DCC: variants seen among roughly 807,000 people sequenced by gnomAD.
DCC encodes netrin receptor DCC.
In DCC, 58 loss-of-function variants were observed where a neutral mutation model predicts 172.5. The observed-to-expected ratio is 0.34, with a 90% CI of 0.27 to 0.42. The LOEUF (loss-of-function observed/expected upper bound fraction) is 0.42, where lower values mean the gene tolerates loss of function less well. Ranked by LOEUF, DCC falls within the 10% of genes least tolerant of loss-of-function variation. The pLI is 1.00. For missense variants in DCC, 1,740 were observed against 1,791.0 expected (o/e 0.97, Z 0.51); for synonymous variants, 709 against 644.5 (o/e 1.10, Z -1.52).
intron 12 of DCC, among the ~76,000 whole-genome samples, chr18:53,260,533 C>T (rs954955805): frequency 2.0e-5 from 3 of 152,016 alleles, no homozygotes; most frequent in Non-Finnish European, 2.9e-5. Context: ...TGGTGAACAG[C>T]AAATGTTGCT....
intron 27 of DCC, among the ~76,000 whole-genome samples, chr18:53,518,776 C>A (rs1465404244): frequency 6.6e-6 from 1 of 152,092 alleles, no homozygotes; most frequent in Admixed American, 6.6e-5. Context: ...CAACATGCAC[C>A]CTGGATAGGG....
intron 1 of DCC, among the ~76,000 whole-genome samples, chr18:52,518,220 A>C (rs902950456): frequency 6.6e-6 from 1 of 152,234 alleles, no homozygotes; most frequent in Non-Finnish European, 1.5e-5. Flanking sequence ...CTATGATAGC[A>C]TGAGGCTGAG....
intron 1 of DCC, among the ~76,000 whole-genome samples, chr18:52,607,970 T>C (rs2034171553): frequency 6.6e-6 from 1 of 152,118 alleles, no homozygotes; most frequent in Non-Finnish European, 1.5e-5. Flanking sequence ...TGGGCATAAA[T>C]GTAGGAATGA....
At chr18:52,847,612 C>G (rs780684217) in intron 2 of DCC, among the ~76,000 whole-genome samples, 1 of 152,164 alleles carries the variant, frequency 6.6e-6, no homozygotes, top group African/African-American at 2.4e-5. Flanking sequence ...TCTGTAACCA[C>G]GTTCCCTCCC....
At chr18:53,049,719 A>G (rs1401735084) in intron 5 of DCC, among the ~76,000 whole-genome samples, 1 of 151,818 alleles carries the variant, frequency 6.6e-6, no homozygotes, top group African/African-American at 2.4e-5. Context: ...TTTTTTTCTA[A>G]GTCTGTGAAA....
intron 5 of DCC, among the ~76,000 whole-genome samples, chr18:53,056,867 A>G (rs894086222): frequency 6.6e-6 from 1 of 151,892 alleles, no homozygotes; most frequent in Non-Finnish European, 1.5e-5. Context: ...TGTGCTGCCT[A>G]TTGTTAATTT....
Position 52,797,010 on chromosome 18 carries a change from C to CTT in DCC, c.412+44645_412+44646dup, listed in dbSNP as rs74178683. ...TCACATAGGCTTTCTTCATTCATTC[C>CTT]TTTTTTTTTTCTTCTGCCTGCATTA... On this transcript the variant is annotated intron_variant, in intron 2 of 28. Transcript: ENST00000442544. Among the ~76,000 whole-genome samples, 248 of 148,852 alleles carry CTT rather than the reference C, an allele frequency of 1.7e-3. 2 individuals carry two copies. In the East Asian group the frequency reaches 0.029, roughly 18 times the overall value.
intron 1 of DCC, among the ~76,000 whole-genome samples, chr18:52,445,853 C>G (rs1287042140): frequency 6.6e-6 from 1 of 152,196 alleles, no homozygotes; most frequent in East Asian, 1.9e-4. Flanking sequence ...GATAGTAACT[C>G]TTGAATCTTC....
chr18:53,453,646 T>C (rs981607111), intron 23 of DCC, among the ~76,000 whole-genome samples: 1 of 152,206 alleles, frequency 6.6e-6, no homozygotes, highest in Non-Finnish European at 1.5e-5. Context: ...GGGTAAGATT[T>C]CATTTTTATT....
intron 1 of DCC, among the ~76,000 whole-genome samples, chr18:52,466,674 T>C (rs1425585141): frequency 1.3e-5 from 2 of 152,226 alleles, no homozygotes; most frequent in Non-Finnish European, 2.9e-5. Context: ...AATTCAGTGA[T>C]GACTTTTCTT....
chr18:53,448,037 A>G (rs2055447), intron 22 of DCC, among the ~76,000 whole-genome samples: 86,658 of 145,498 alleles, frequency 0.6, 26,457 homozygotes, highest in African/African-American at 0.68. Context: ...ATTTATTTAA[A>G]TTTTGATGAG....
chr18:53,450,180 T>TAC lies in DCC; in HGVS notation c.3230-305_3230-304dup, dbSNP rs144259404. Among the ~76,000 whole-genome samples, 1,162 of 150,120 alleles carry TAC rather than the reference T, an allele frequency of 7.7e-3. 12 individuals carry two copies. Among genetic ancestry groups the TAC allele is most frequent in the East Asian group, 0.04 (206 of 5,106 alleles). Reference sequence around the variant, plus strand: ...ACACACATACATATGCATACATACATACACACACACACACACCACACATTT... The same window carrying TAC: ...ACACACATACATATGCATACATACATACACACACACACACACACCACACATTT... On this transcript the variant is annotated intron_variant, in intron 22 of 28. Transcript: ENST00000442544.
intron 1 of DCC, among the ~76,000 whole-genome samples, chr18:52,346,631 G>A (rs1190256529): frequency 6.6e-6 from 1 of 152,096 alleles, no homozygotes; most frequent in East Asian, 1.9e-4. Context: ...TTTGCCAATG[G>A]TAATACCAGT....
intron 5 of DCC, among the ~76,000 whole-genome samples, chr18:52,943,594 G>A (rs1389025161): frequency 6.6e-6 from 1 of 152,094 alleles, no homozygotes; most frequent in Non-Finnish European, 1.5e-5. Context: ...AGGACCATAT[G>A]TATTTACAGT....
intron 14 of DCC, among the ~76,000 whole-genome samples, chr18:53,328,823 C>T (rs982948775): frequency 3.9e-5 from 6 of 152,304 alleles, no homozygotes; most frequent in Middle Eastern, 3.4e-3. Context: ...CCTGCCTCAG[C>T]CTCCCAGAGT....
At chr18:52,895,215 T>C (rs1360933506) in intron 2 of DCC, among the ~76,000 whole-genome samples, 10 of 152,228 alleles carry the variant, frequency 6.6e-5, no homozygotes, top group African/African-American at 2.4e-4. Context: ...CCAACAAATA[T>C]CAGCCGTATT....
chr18:53,524,195 G>T (rs1314353071), intron 27 of DCC, among the ~76,000 whole-genome samples: 1 of 151,700 alleles, frequency 6.6e-6, no homozygotes, highest in Non-Finnish European at 1.5e-5. Flanking sequence ...GCTTGATTTA[G>T]CCATTCTATA....
intron 7 of DCC, among the ~76,000 whole-genome samples, chr18:53,091,081 T>C (rs961886345): frequency 5.3e-5 from 8 of 152,014 alleles, no homozygotes; most frequent in African/African-American, 1.7e-4. Context: ...CCAGCAAAAG[T>C]TGAGCCCCAA....
chr18:52,703,855 C>T lies in DCC; in HGVS notation c.92-48199C>T, dbSNP rs1358191181. Among the ~76,000 whole-genome samples the T allele has an allele frequency of 2.0e-5, 3 of 151,954 alleles. No individual in the cohort carries two copies. In the East Asian group the frequency reaches 5.8e-4, roughly 29 times the overall value. The stretch of plus-strand genomic sequence containing the variant: ...GAGCAGAGATATCACTCACTATTTC[C>T]TATGCTTAGATTGTGGATAGAGATG... On this transcript the variant is annotated intron_variant, in intron 1 of 28. Transcript: ENST00000442544.
Sources: gnomAD v4.1 joint callset for allele counts (sites outside exome capture counted in the v4.1 genomes callset) on GRCh38, gnomAD v4.1.1 for gene constraint, MANE v1.5 for transcripts, NCBI Gene and HGNC (gene_info 2026-07-23, HGNC 2026-07-21) for gene names.